Variants in MEDAG observed in about 807,000 individuals in gnomAD.
The protein encoded by MEDAG is mesenteric estrogen-dependent adipogenesis protein.
Under a neutral mutation model 29.9 loss-of-function variants are expected in MEDAG, and 25 were observed. The ratio of observed to expected loss-of-function variants is 0.84; its 90% CI spans 0.61 to 1.17. The LOEUF (loss-of-function observed/expected upper bound fraction) is 1.17. Among genes scored for constraint, MEDAG ranks in the 50% most tolerant of loss-of-function variants. The pLI is 0.00. For missense variants in MEDAG, 398 were observed against 372.9 expected (o/e 1.07, Z -0.56); for synonymous variants, 158 against 148.2 (o/e 1.07, Z -0.48).
chr13:30,918,326 T>C (rs1952949402), intron 2 of MEDAG, among the ~76,000 whole-genome samples: 1 of 152,222 alleles, frequency 6.6e-6, no homozygotes, highest in Admixed American at 6.5e-5. Flanking sequence ...CAATAATTAT[T>C]CTGGGAAGAA....
intron 2 of MEDAG, among the ~76,000 whole-genome samples, chr13:30,919,074 A>G (rs1322897103): frequency 6.6e-6 from 1 of 152,248 alleles, no homozygotes; most frequent in Non-Finnish European, 1.5e-5. Flanking sequence ...TATAGAATGT[A>G]TGAAGTTGTC....
At chr13:30,916,638 C>G (rs1952931997) in intron 1 of MEDAG, 1 of 152,196 alleles carries the variant, frequency 6.6e-6, no homozygotes, top group South Asian at 2.1e-4. Flanking sequence ...TAACTAACTT[C>G]TTGAAGGAAG....
chr13:30,918,468 A>G (rs182922889), intron 2 of MEDAG, among the ~76,000 whole-genome samples: 107 of 152,330 alleles, frequency 7.0e-4, no homozygotes, highest in Non-Finnish European at 1.2e-3. Flanking sequence ...GTTTCATGCC[A>G]TGATGTTGGA....
chr13:30,915,853 C>T (rs549073283), intron 1 of MEDAG, among the ~76,000 whole-genome samples: 1 of 152,056 alleles, frequency 6.6e-6, no homozygotes, highest in African/African-American at 2.4e-5. Context: ...TCCCATCGTC[C>T]TCTCCTCTAC....
At chr13:30,923,653 G>C (rs1351350004) in intron 4 of MEDAG, among the ~76,000 whole-genome samples, 3 of 152,142 alleles carry the variant, frequency 2.0e-5, no homozygotes, top group Non-Finnish European at 2.9e-5. Flanking sequence ...ATGTGCCTGG[G>C]CCTTTTTCTG....
chr13:30,908,569 A>C (rs940323619), intron 1 of MEDAG, among the ~76,000 whole-genome samples: 4 of 152,138 alleles, frequency 2.6e-5, no homozygotes, highest in Admixed American at 1.3e-4. Context: ...TGCCCTCGGG[A>C]ATCAGGAGGT....
chr13:30,913,418 G>A (rs1952899207), intron 1 of MEDAG, among the ~76,000 whole-genome samples: 2 of 151,990 alleles, frequency 1.3e-5, no homozygotes, highest in Admixed American at 1.3e-4. Flanking sequence ...GGTTTTCCTA[G>A]GCTGGTCTGG....
chr13:30,917,986 T>C (rs1952945962), intron 2 of MEDAG, among the ~76,000 whole-genome samples: 1 of 152,094 alleles, frequency 6.6e-6, no homozygotes, highest in South Asian at 2.1e-4. Flanking sequence ...AGAAATCAGC[T>C]TGTGACAAGG....
At position 30,917,447 on chromosome 13, in the gene MEDAG, A is replaced by G; in HGVS notation, c.323A>G (p.Glu108Gly). The G allele has an allele frequency of 6.2e-7, 1 of 1,611,950 alleles. No homozygotes were observed. The highest frequency in any genetic ancestry group is 1.1e-5 in the South Asian group (1 of 91,028). ...TACTGTGATTATAAAGACTACAGGG[A>G]AACTATATTGAGCAAACCAATGTTG... Reference protein sequence around the residue: ...TNYCDYKDYRETILSKPMLFF... With the variant: ...TNYCDYKDYRGTILSKPMLFF... The change falls in exon 2 of 5, where the codon GAA becomes GGA. Residue 108 changes from glutamate to glycine, a missense_variant. Coordinates refer to ENST00000380482, the MANE Select transcript of MEDAG (RefSeq NM_032849.4).
chr13:30,915,143 CT>C (rs1029295709), intron 1 of MEDAG, among the ~76,000 whole-genome samples: 1 of 152,110 alleles, frequency 6.6e-6, no homozygotes, highest in African/African-American at 2.4e-5. Context: ...TTTTCTTTCT[CT>C]TTTCTCCCTC....
intron 2 of MEDAG, among the ~76,000 whole-genome samples, chr13:30,918,367 C>G (rs566510127): frequency 2.6e-5 from 4 of 152,086 alleles, no homozygotes; most frequent in African/African-American, 9.7e-5. Flanking sequence ...AACTAGGATG[C>G]GTAATTATCC....
At chr13:30,915,463 C>A (rs918042993) in intron 1 of MEDAG, among the ~76,000 whole-genome samples, 1 of 152,166 alleles carries the variant, frequency 6.6e-6, no homozygotes, top group Non-Finnish European at 1.5e-5. Flanking sequence ...TAAATGCTCA[C>A]CTGGTGCCCG....
chr13:30,912,267 G>A lies in MEDAG; in HGVS notation c.279-5136G>A, dbSNP rs895845615. 5.3e-5 allele frequency among the ~76,000 whole-genome samples: 8 copies of A among 152,278 alleles called. 1 individual carries two copies. The highest frequency in any genetic ancestry group is 6.8e-3 in the Middle Eastern group (2 of 294). On this transcript the variant is annotated intron_variant, in intron 1 of 4. Transcript: ENST00000380482. ...TTTCAGTAGAACTAGGGCAGAAGGC[G>A]GAGGGAAGAAGGGAAAAGAGATTAG...
chr13:30,917,552 G>C, intron 2 of MEDAG, 40 bp downstream of exon 2: 1 of 1,086,730 alleles, frequency 9.2e-7, no homozygotes. Context: ...CTGCTATAAA[G>C]AAATACCTAA....
At chr13:30,917,058 C>G (rs192625314) in intron 1 of MEDAG, among the ~76,000 whole-genome samples, 1 of 152,114 alleles carries the variant, frequency 6.6e-6, no homozygotes, top group Non-Finnish European at 1.5e-5. Flanking sequence ...ACTATTATGT[C>G]GAATTCATTA....
intron 2 of MEDAG, among the ~76,000 whole-genome samples, chr13:30,918,992 T>C (rs1952956688): frequency 6.6e-6 from 1 of 151,986 alleles, no homozygotes; most frequent in Non-Finnish European, 1.5e-5. Context: ...AAAAAAAGAG[T>C]AAGAGCCCTC....
At chr13:30,917,660 C>T (rs1293335479) in intron 2 of MEDAG, 148 bp downstream of exon 2, 16 of 599,784 alleles carry the variant, frequency 2.7e-5, no homozygotes, top group Non-Finnish European at 4.1e-5. Context: ...AACTTACAAT[C>T]ATGGTGGAAG....
chr13:30,924,349 A>G lies in MEDAG; in HGVS notation c.826A>G (p.Arg276Gly), dbSNP rs1358147873. 6 of 1,614,016 alleles carry G rather than the reference A, an allele frequency of 3.7e-6. No homozygotes were observed. The South Asian group carries it at 6.6e-5, about 18-fold the overall frequency. Residue 276 changes from arginine (R) to glycine (G), a missense_variant, in exon 5 of 5, where the codon AGA becomes GGA. Arg to Gly is a moderately radical substitution (Grantham distance 125). Coordinates refer to ENST00000380482, the MANE Select transcript of MEDAG (RefSeq NM_032849.4). ...TGTTTTTAACTGCAATCTGTCACCC[A>G]GATCATCTCTGACAGAGCCTCTTTT... Reference protein sequence around the residue: ...DDVFNCNLSPRSSLTEPLLAE... With the variant: ...DDVFNCNLSPGSSLTEPLLAE...
At chr13:30,912,513 A>G (rs1371662762) in intron 1 of MEDAG, among the ~76,000 whole-genome samples, 1 of 17,410 alleles carries the variant, frequency 5.7e-5, no homozygotes, top group Non-Finnish European at 1.1e-4. Flanking sequence ...ATGAACACAC[A>G]CACACACACA....
Sources: gnomAD v4.1 joint callset for allele counts (sites outside exome capture counted in the v4.1 genomes callset) on GRCh38, gnomAD v4.1.1 for gene constraint, MANE v1.5 for transcripts, NCBI Gene and HGNC (gene_info 2026-07-23, HGNC 2026-07-21) for gene names.